Variants in RINT1 observed in about 807,000 individuals in gnomAD.
RINT1 encodes the protein RAD50 interactor 1.
In RINT1, 75 loss-of-function variants were observed where a neutral mutation model predicts 97.7. That is an observed-to-expected ratio of 0.77 (90% CI 0.64 to 0.93). The LOEUF (loss-of-function observed/expected upper bound fraction) is 0.93, where lower values mean the gene tolerates loss of function less well. RINT1 is among the 40% of genes least tolerant of loss of function. The pLI is 0.00. For missense variants in RINT1, 892 were observed against 925.2 expected (o/e 0.96, Z 0.47); for synonymous variants, 303 against 326.3 (o/e 0.93, Z 0.77).
At chr7:105,552,069 A>C (rs1456067639) in intron 10 of RINT1, among the ~76,000 whole-genome samples, 1 of 152,142 alleles carries the variant, frequency 6.6e-6, no homozygotes, top group Non-Finnish European at 1.5e-5. Context: ...CCCTGTCAAT[A>C]AAGTAATCAA....
Position 105,548,564 on chromosome 7 carries a change from C to T in RINT1, c.850C>T (p.Leu284Phe). ...LLKLQTSDEL[L>F]TEPKQLPEKY... ...ACTTGATTATGTCAGAGATGAATTA[C>T]TTACTGAGCCAAAGCAACTCCCAGA... is the stretch of plus-strand genomic sequence containing the variant. Residue 284 changes from leucine to phenylalanine, a missense_variant, in exon 7 of 15, where the codon CTT becomes TTT. Coordinates refer to ENST00000257700, the MANE Select transcript of RINT1 (RefSeq NM_021930.6). 1.2e-6 allele frequency: 2 copies of T among 1,614,034 alleles called. No homozygotes were observed.
At chr7:105,550,756 T>TTTTA (rs1262655220) in intron 9 of RINT1, among the ~76,000 whole-genome samples, 1 of 152,096 alleles carries the variant, frequency 6.6e-6, no homozygotes, top group Non-Finnish European at 1.5e-5. Context: ...TTTATTTTAT[T>TTTTA]TTTATTTATT....
intron 3 of RINT1, among the ~76,000 whole-genome samples, chr7:105,537,289 C>T (rs1030219199): frequency 1.3e-5 from 2 of 151,764 alleles, no homozygotes; most frequent in African/African-American, 4.8e-5. Context: ...TGTCACCCTG[C>T]CCAGCTAATT....
At position 105,550,234 on chromosome 7, in the gene RINT1, A is replaced by G. The variant is rs1332592225; in HGVS notation, c.1108-27A>G. 3.1e-6 allele frequency: 5 copies of G among 1,609,586 alleles called. No homozygotes were observed. In the East Asian group the frequency reaches 8.9e-5, roughly 29 times the overall value. ...TGTGCATGGATAACTTTTTATTTAC[A>G]TACCTCATGTTTGTGTATTTTTTTA... On this transcript the variant is annotated intron_variant, in intron 8 of 14. Transcript: ENST00000257700.
At chr7:105,557,920 A>C (rs1340898781) in intron 11 of RINT1, among the ~76,000 whole-genome samples, 1 of 152,220 alleles carries the variant, frequency 6.6e-6, no homozygotes, top group African/African-American at 2.4e-5. Flanking sequence ...AAAATAACTG[A>C]AATCCATGTG....
At chr7:105,544,712 G>A (rs887937039) in intron 4 of RINT1, among the ~76,000 whole-genome samples, 20 of 152,262 alleles carry the variant, frequency 1.3e-4, no homozygotes, top group African/African-American at 4.8e-4. Flanking sequence ...TGGGATTACA[G>A]GTGTGAGCCA....
At chr7:105,533,037 C>T (rs1399312522) in intron 2 of RINT1, among the ~76,000 whole-genome samples, 168 bp downstream of exon 2, 1 of 152,144 alleles carries the variant, frequency 6.6e-6, no homozygotes, top group Admixed American at 6.5e-5. Flanking sequence ...TTTTGTCTTT[C>T]TAAAATTGTA....
intron 3 of RINT1, among the ~76,000 whole-genome samples, chr7:105,537,187 A>G (rs1392591438): frequency 5.6e-4 from 83 of 149,054 alleles, no homozygotes; most frequent in Non-Finnish European, 1.5e-5. Flanking sequence ...TTGGAGTACA[A>G]TGGCGCCATC....
intron 2 of RINT1, among the ~76,000 whole-genome samples, chr7:105,533,634 G>T (rs1251322948): frequency 2.0e-5 from 3 of 152,210 alleles, no homozygotes; most frequent in South Asian, 2.1e-4. Flanking sequence ...GCCCTTAGGA[G>T]TAAGATTTGC....
chr7:105,535,130 A>G (rs1424077010), intron 2 of RINT1, among the ~76,000 whole-genome samples: 1 of 149,192 alleles, frequency 6.7e-6, no homozygotes, highest in Non-Finnish European at 1.5e-5. Context: ...TGTCATTTTG[A>G]TTTTTTCCTA....
In RINT1 at chr7:105,563,817, T is replaced by G. The variant is rs552354215; in HGVS notation, c.1756T>G (p.Ser586Ala). The change falls in exon 12 of 15, where the codon TCT becomes GCT. Residue 586 changes from serine (S) to alanine (A), a missense_variant. Physicochemically the swap from Ser to Ala is moderately conservative, Grantham distance 99. Transcript: ENST00000257700. ...TAAATTGCAGCTAGGACAGCTAGCC[T>G]CTATGGAGAGCTCTGTCTTTGATGA... Reference protein sequence around the residue: ...LSKLQLGQLASMESSVFDDMI... With the variant: ...LSKLQLGQLAAMESSVFDDMI... 3.4e-5 allele frequency: 55 copies of G among 1,613,906 alleles called. No individual in the cohort carries two copies. The Admixed American group carries it at 3.5e-4, about 10-fold the overall frequency.
At chr7:105,560,583 G>A (rs1251273355) in intron 11 of RINT1, among the ~76,000 whole-genome samples, 2 of 152,070 alleles carry the variant, frequency 1.3e-5, no homozygotes, top group African/African-American at 4.8e-5. Flanking sequence ...TGGTTTGTTC[G>A]TTATCCATGA....
At chr7:105,558,021 G>A (rs1037307846) in intron 11 of RINT1, among the ~76,000 whole-genome samples, 64 of 152,068 alleles carry the variant, frequency 4.2e-4, no homozygotes, top group African/African-American at 1.4e-3. Flanking sequence ...TGTTTATAAA[G>A]TCAGCTAATC....
chr7:105,546,202 C>T (rs570410295), intron 4 of RINT1, among the ~76,000 whole-genome samples: 3 of 152,290 alleles, frequency 2.0e-5, no homozygotes, highest in South Asian at 4.1e-4. Flanking sequence ...GACCATCATA[C>T]TTGACTTTAC....
At chr7:105,566,943 C>T (rs985148182) in intron 14 of RINT1, 176 bp from the exon 15 acceptor site, 69 of 400,784 alleles carry the variant, frequency 1.7e-4, no homozygotes, top group African/African-American at 1.4e-3. Flanking sequence ...GAAATAGCAA[C>T]TCTGCACCTG....
intron 10 of RINT1, among the ~76,000 whole-genome samples, chr7:105,552,000 A>G (rs1464108201): frequency 1.3e-5 from 2 of 152,064 alleles, no homozygotes; most frequent in African/African-American, 4.8e-5. Context: ...CATGGGAGGT[A>G]GAGGTTGCAG....
chr7:105,546,721 A>G (rs1379707009), intron 4 of RINT1, among the ~76,000 whole-genome samples, 189 bp from the exon 5 acceptor site: 1 of 152,018 alleles, frequency 6.6e-6, no homozygotes, highest in Admixed American at 6.6e-5. Flanking sequence ...TAAAAATACA[A>G]AAAATTTAGC....
intron 11 of RINT1, among the ~76,000 whole-genome samples, chr7:105,558,402 C>A (rs1313981877): frequency 6.6e-6 from 1 of 152,144 alleles, no homozygotes; most frequent in Admixed American, 6.6e-5. Flanking sequence ...ACCCCCACAG[C>A]TCCATATTCT....
At chr7:105,544,096 G>A (rs992080995) in intron 4 of RINT1, among the ~76,000 whole-genome samples, 4 of 150,274 alleles carry the variant, frequency 2.7e-5, no homozygotes, top group African/African-American at 7.4e-5. Context: ...GCGAAACTCC[G>A]TCTCAAAAAA....
Sources: allele counts gnomAD v4.1 joint callset (sites outside exome capture counted in the v4.1 genomes callset), GRCh38; gene constraint gnomAD v4.1.1; transcripts MANE v1.5; gene names NCBI Gene and HGNC (gene_info 2026-07-23, HGNC 2026-07-21).